GRID2: variants seen among roughly 807,000 people sequenced by gnomAD.
GRID2 encodes the protein glutamate receptor ionotropic, delta-2.
A neutral mutation model predicts 114.8 loss-of-function variants in GRID2; 33 were observed. The observed-to-expected ratio is 0.29, with a 90% confidence interval of 0.22 to 0.38. The LOEUF (loss-of-function observed/expected upper bound fraction) is 0.38. Among genes scored for constraint, GRID2 ranks in the 10% least tolerant of loss-of-function variants. GRID2 has a pLI of 1.00. For synonymous variants in GRID2, 505 were observed against 449.9 expected, an observed-to-expected ratio of 1.12 and a Z score of -1.55; for missense variants, 1,184 against 1,257.7, an observed-to-expected ratio of 0.94 and a Z score of 0.89.
chr4:92,790,347 C>A (rs966430860), intron 2 of GRID2, among the ~76,000 whole-genome samples: 9 of 151,654 alleles, frequency 5.9e-5, no homozygotes, highest in Non-Finnish European at 1.3e-4. Context: ...TCTCATATTT[C>A]TCAATAAATG....
rs1740692460 is a variant in GRID2, at chr4:93,609,386, C to A, written c.2194-16883C>A. Among the ~76,000 whole-genome samples, 2 of 83,192 alleles carry A rather than the reference C, an allele frequency of 2.4e-5. 1 individual carries two copies. Among genetic ancestry groups the A allele is most frequent in the African/African-American group, 9.8e-5 (2 of 20,474 alleles). 54.6% of individuals were successfully genotyped at this position (83,192 alleles called of 152,430 possible). ...GGTGTTTTGGGCATGAAGTCCTTGC[C>A]CACGCCTATGTCCTGAATGGTAATG... On this transcript the variant is annotated intron_variant, in intron 13 of 15. Transcript: ENST00000282020.
intron 2 of GRID2, among the ~76,000 whole-genome samples, chr4:92,969,804 T>C (rs1430114712): frequency 6.6e-6 from 1 of 151,872 alleles, no homozygotes; most frequent in Non-Finnish European, 1.5e-5. Context: ...GAAACCCTTG[T>C]TTCCCTTTGA....
intron 4 of GRID2, among the ~76,000 whole-genome samples, chr4:93,161,000 G>A (rs1384363860): frequency 6.6e-6 from 1 of 151,804 alleles, no homozygotes; most frequent in African/African-American, 2.4e-5. Context: ...CTAAAGAAAT[G>A]ATGTATATGG....
intron 14 of GRID2, among the ~76,000 whole-genome samples, chr4:93,656,846 A>T (rs868669497): frequency 6.8e-6 from 1 of 148,120 alleles, no homozygotes; most frequent in South Asian, 2.1e-4. Flanking sequence ...AAAAAAAAAA[A>T]AAAAAAAAAA....
At chr4:92,530,495 A>G (rs1170854487) in intron 1 of GRID2, among the ~76,000 whole-genome samples, 1 of 134,744 alleles carries the variant, frequency 7.4e-6, no homozygotes, top group Non-Finnish European at 1.6e-5. Context: ...CAAAAAAGTG[A>G]GTGACTAGTA....
intron 2 of GRID2, among the ~76,000 whole-genome samples, chr4:92,872,370 T>C (rs752159515): frequency 4.3e-4 from 66 of 152,172 alleles, no homozygotes; most frequent in Non-Finnish European, 7.4e-4. Context: ...ACTAGCAATA[T>C]GAAAATAACA....
At chr4:93,423,220 T>A (rs938421606) in intron 10 of GRID2, among the ~76,000 whole-genome samples, 2 of 151,974 alleles carry the variant, frequency 1.3e-5, no homozygotes, top group Non-Finnish European at 2.9e-5. Flanking sequence ...TAGAAAAGGG[T>A]TTAGAAGAAG....
chr4:93,734,655 A>G (rs1730772112), intron 14 of GRID2, among the ~76,000 whole-genome samples: 2 of 152,026 alleles, frequency 1.3e-5, no homozygotes, highest in African/African-American at 2.4e-5. Flanking sequence ...AGCCCAGACA[A>G]CAGACTGTGG....
intron 13 of GRID2, among the ~76,000 whole-genome samples, chr4:93,603,389 C>A (rs1739894632): frequency 6.6e-6 from 1 of 152,106 alleles, no homozygotes. Flanking sequence ...CTATGAGAAA[C>A]ATGAGAAAGC....
At chr4:92,558,600 G>A (rs994475758) in intron 1 of GRID2, among the ~76,000 whole-genome samples, 9 of 152,066 alleles carry the variant, frequency 5.9e-5, no homozygotes, top group South Asian at 2.1e-4. Flanking sequence ...TCCCTGGTGA[G>A]CCTAGCTGCT....
chr4:93,794,251 G>A (rs1411614690), intron 1 of GRID2, among the ~76,000 whole-genome samples: 1 of 152,188 alleles, frequency 6.6e-6, no homozygotes, highest in Non-Finnish European at 1.5e-5. Flanking sequence ...GACAGGGCAG[G>A]ATTTGCTGCT....
At chr4:92,880,681 CAAAT>C (rs1745938628) in intron 2 of GRID2, among the ~76,000 whole-genome samples, 2 of 151,950 alleles carry the variant, frequency 1.3e-5, no homozygotes, top group South Asian at 4.2e-4. Flanking sequence ...AAAACAAAAA[CAAAT>C]AAGAAAAAAA....
At chr4:92,807,340 C>T (rs1039825301) in intron 2 of GRID2, among the ~76,000 whole-genome samples, 5 of 151,808 alleles carry the variant, frequency 3.3e-5, no homozygotes, top group African/African-American at 9.7e-5. Context: ...ATAAAACTAC[C>T]TAGGCAACAT....
intron 11 of GRID2, among the ~76,000 whole-genome samples, chr4:93,462,044 A>G (rs1431706028): frequency 6.6e-6 from 1 of 152,170 alleles, no homozygotes; most frequent in Admixed American, 6.5e-5. Flanking sequence ...AAATAGAAAT[A>G]TTTATAGTCA....
chr4:92,384,600 TAA>T (rs1729827600), intron 1 of GRID2, among the ~76,000 whole-genome samples: 3 of 51,544 alleles, frequency 5.8e-5, no homozygotes, highest in Admixed American at 3.4e-4. Flanking sequence ...ATATATAACA[TAA>T]TATATAATAT....
chr4:92,690,551 A>G (rs1734136447), intron 2 of GRID2, among the ~76,000 whole-genome samples: 1 of 152,202 alleles, frequency 6.6e-6, no homozygotes, highest in Non-Finnish European at 1.5e-5. Context: ...GTGATCACAC[A>G]CTGTTGGAAA....
At chr4:92,314,566 C>G (rs955716224) in intron 1 of GRID2, among the ~76,000 whole-genome samples, 4 of 152,062 alleles carry the variant, frequency 2.6e-5, no homozygotes, top group African/African-American at 9.7e-5. Context: ...AATGCCCCAA[C>G]ATTTGACACT....
At chr4:93,472,329 A>G (rs1259414075) in intron 11 of GRID2, among the ~76,000 whole-genome samples, 2 of 152,068 alleles carry the variant, frequency 1.3e-5, no homozygotes, top group African/African-American at 4.8e-5. Context: ...ATCTCAAAAA[A>G]AAAGTTATAA....
intron 1 of GRID2, among the ~76,000 whole-genome samples, chr4:92,572,207 A>C (rs959402185): frequency 9.2e-5 from 14 of 152,326 alleles, no homozygotes; most frequent in African/African-American, 3.4e-4. Flanking sequence ...GGATATCACC[A>C]CCGATCCCAC....
Sources: allele counts gnomAD v4.1 joint callset (sites outside exome capture counted in the v4.1 genomes callset), GRCh38; gene constraint gnomAD v4.1.1; transcripts MANE v1.5; gene names NCBI Gene and HGNC (gene_info 2026-07-23, HGNC 2026-07-21).